BRIP1: variants seen among roughly 807,000 people sequenced by gnomAD.
The protein encoded by BRIP1 is BRCA1 interacting DNA helicase 1, also known as Fanconi anemia group J protein.
BRIP1 carries 88 observed loss-of-function variants against 119.7 expected under a neutral mutation model. The observed-to-expected ratio is 0.74, with a 90% CI of 0.62 to 0.88. BRIP1 has a LOEUF of 0.88. Ranked by LOEUF, BRIP1 falls within the 40% of genes least tolerant of loss-of-function variation. The pLI, the probability that BRIP1 is intolerant of heterozygous loss-of-function variation, is 0.00. For synonymous variants in BRIP1, 443 were observed against 496.5 expected (o/e 0.89, Z 1.43); for missense variants, 1,259 against 1,455.4 (o/e 0.87, Z 2.20).
Position 61,693,589 on chromosome 17 carries a change from A to G in BRIP1, c.2493-77T>C. On this transcript the variant is annotated intron_variant, in intron 17 of 19. Coordinates refer to ENST00000259008, the MANE Select transcript of BRIP1 (RefSeq NM_032043.3). The surrounding 1 kb of genome is among the most constrained non-coding windows in gnomAD (Gnocchi z 4.2). ...AGTTTTCCAGTGGGACAGACAGAAA[A>G]TTGGAAAAAAATCAATTTTATAGAT... 1 of 1,267,510 alleles carries G rather than the reference A, an allele frequency of 7.9e-7. No homozygotes were observed. Among genetic ancestry groups the G allele is most frequent in the South Asian group, 1.2e-5 (1 of 81,984 alleles). 78.5% of individuals were successfully genotyped at this position (1,267,510 alleles called of 1,614,324 possible).
In BRIP1 at chr17:61,715,949, A is replaced by G. The variant is rs1409603424; in HGVS notation, c.2492+2T>C. ...TATTATATTAAATTTCACTCCACTTACCTACCAAGGGCCTGGTTTAAGGCC... is the reference window on the plus strand; with the variant it reads ...TATTATATTAAATTTCACTCCACTTGCCTACCAAGGGCCTGGTTTAAGGCC... On this transcript the variant is annotated splice_donor_variant, in intron 17 of 19. Transcript: ENST00000259008. LOFTEE classifies it high-confidence loss of function. 1 of 1,562,970 alleles carries G rather than the reference A, an allele frequency of 6.4e-7. No individual in the cohort carries two copies. Among genetic ancestry groups the G allele is most frequent in the Middle Eastern group, 1.7e-4 (1 of 5,958 alleles).
Position 61,693,579 on chromosome 17 carries a change from C to T in BRIP1, c.2493-67G>A, listed in dbSNP as rs2144189494. 2.2e-6 allele frequency: 3 copies of T among 1,364,008 alleles called. No homozygotes were observed. Among genetic ancestry groups the T allele is most frequent in the Non-Finnish European group, 3.1e-6 (3 of 958,280 alleles). 84.5% of individuals were successfully genotyped at this position (1,364,008 alleles called of 1,614,324 possible). A position where few individuals can be genotyped will look rare whatever the true frequency, so the allele number is the denominator to read the frequency against. On this transcript the variant is annotated intron_variant, in intron 17 of 19. Transcript: ENST00000259008. This position sits in a 1 kb window ranked among gnomAD's most constrained non-coding sequence, Gnocchi z 4.2. ...AAATAAATCCAGTTTTCCAGTGGGA[C>T]AGACAGAAAATTGGAAAAAAATCAA...
chr17:61,702,972 C>CT lies in BRIP1; in HGVS notation c.2493-9461dup, dbSNP rs61428664. Among the ~76,000 whole-genome samples, 829 of 125,196 alleles carry CT rather than the reference C, an allele frequency of 6.6e-3. 2 individuals carry two copies. The highest frequency in any genetic ancestry group is 0.014 in the African/African-American group (480 of 33,424). The allele number at this position is 125,196 out of a possible 152,430, so 82.1% of individuals were successfully genotyped here. A position where few individuals can be genotyped will look rare whatever the true frequency, so the allele number is the denominator to read the frequency against. ...CTCTGTAACCTTGCGAGCATCTGTT[C>CT]TTTTTTTTTTTTTTTTTTTGACTTT... On this transcript the variant is annotated intron_variant, in intron 17 of 19. Coordinates refer to ENST00000259008, the MANE Select transcript of BRIP1 (RefSeq NM_032043.3).
rs12937080 is a variant in BRIP1 at position 61,852,376 on chromosome 17, A to T, written c.380-3120T>A. On this transcript the variant is annotated intron_variant, in intron 4 of 19. Transcript: ENST00000259008. This position sits in a 1 kb window ranked among gnomAD's most constrained non-coding sequence, Gnocchi z 4.9. The stretch of plus-strand genomic sequence containing the variant: ...TCAAGAAACCTAAGAAATACCCAAT[A>T]GAAAAATGGAGGCTGGGCACGGTGG... Among the ~76,000 whole-genome samples the T allele has an allele frequency of 2.6e-5, 4 of 152,144 alleles. No homozygotes were observed. Among genetic ancestry groups the T allele is most frequent in the Non-Finnish European group, 1.5e-5 (1 of 68,032 alleles).
intron 7 of BRIP1, among the ~76,000 whole-genome samples, chr17:61,801,895 C>T (rs1010725041): frequency 6.6e-6 from 1 of 151,972 alleles, no homozygotes; most frequent in African/African-American, 2.4e-5. Flanking sequence ...TCTCTGTAGA[C>T]CCTTTTGTAC....
In BRIP1 at chr17:61,762,572, T is replaced by C. The variant is rs2077293318; in HGVS notation, c.2097+13829A>G. Among the ~76,000 whole-genome samples, 1 of 152,116 alleles carries C rather than the reference T, an allele frequency of 6.6e-6. No homozygotes were observed. Among genetic ancestry groups the C allele is most frequent in the Non-Finnish European group, 1.5e-5 (1 of 68,000 alleles). On this transcript the variant is annotated intron_variant, in intron 14 of 19. Coordinates refer to ENST00000259008, the MANE Select transcript of BRIP1 (RefSeq NM_032043.3). The surrounding 1 kb of genome is among the most constrained non-coding windows in gnomAD (Gnocchi z 4.3). ...TTTAAAAATGGGCAAGGGATTTGAA[T>C]AGACATTTCTAAAAGAAGACAACAA...
intron 17 of BRIP1, among the ~76,000 whole-genome samples, chr17:61,707,302 C>CT (rs1443374931): frequency 6.7e-6 from 1 of 149,376 alleles, no homozygotes; most frequent in Non-Finnish European, 1.5e-5. Flanking sequence ...AGAGACCTGT[C>CT]TTTTTGTCTT....
At chr17:61,855,350 GGTGA>G (rs1357510018) in intron 4 of BRIP1, among the ~76,000 whole-genome samples, 4 of 152,160 alleles carry the variant, frequency 2.6e-5, no homozygotes, top group African/African-American at 9.7e-5. Context: ...GGCCGAGGCA[GGTGA>G]GTAACTTGAG....
chr17:61,822,183 AAAG>A lies in BRIP1; in HGVS notation c.628-13429_628-13427del, dbSNP rs749013264. The stretch of plus-strand genomic sequence containing the variant: ...AAATGACAAAAAATAAAAGACAATA[AAAG>A]AAGAAGAAAAGCTATTTGACGAATA... On this transcript the variant is annotated intron_variant, in intron 6 of 19. Transcript: ENST00000259008. The surrounding 1 kb of genome is among the most constrained non-coding windows in gnomAD (Gnocchi z 4.4). Among the ~76,000 whole-genome samples, 23 of 152,182 alleles carry A rather than the reference AAAG, an allele frequency of 1.5e-4. No homozygotes were observed. The highest frequency in any genetic ancestry group is 4.3e-4 in the African/African-American group (18 of 41,458).
chr17:61,854,475 G>A (rs954953190), intron 4 of BRIP1, among the ~76,000 whole-genome samples: 1 of 152,112 alleles, frequency 6.6e-6, no homozygotes, highest in Non-Finnish European at 1.5e-5. Flanking sequence ...GTGAGGCACA[G>A]ATGGGTGGAT....
At position 61,844,404 on chromosome 17, in the gene BRIP1, G is replaced by A. The variant is rs745864832; in HGVS notation, c.627+2697C>T. On this transcript the variant is annotated intron_variant, in intron 6 of 19. Coordinates refer to ENST00000259008, the MANE Select transcript of BRIP1 (RefSeq NM_032043.3). This position sits in a 1 kb window ranked among gnomAD's most constrained non-coding sequence, Gnocchi z 4.7. ...GTTTGAGACCAACCTGGGCAACACA[G>A]TGAGACCTCATCTCTACAAAAAATA... Among the ~76,000 whole-genome samples the A allele has an allele frequency of 3.3e-5, 5 of 152,096 alleles. No individual in the cohort carries two copies. The highest frequency in any genetic ancestry group is 7.4e-5 in the Non-Finnish European group (5 of 68,020).
At position 61,700,992 on chromosome 17, in the gene BRIP1, G is replaced by C. The variant is rs1422105110; in HGVS notation, c.2493-7480C>G. Among the ~76,000 whole-genome samples the C allele has an allele frequency of 6.6e-6, 1 of 152,016 alleles. No individual in the cohort carries two copies. Among genetic ancestry groups the C allele is most frequent in the Non-Finnish European group, 1.5e-5 (1 of 67,964 alleles). On this transcript the variant is annotated intron_variant, in intron 17 of 19. Transcript: ENST00000259008. The surrounding 1 kb of genome is among the most constrained non-coding windows in gnomAD (Gnocchi z 4.1). ...CTTTCCAACTCCAGAATTTCCATTA[G>C]GTTTTTGTTAAGCAAATTTTATCTC...
In BRIP1 at chr17:61,860,947, A is replaced by G. The variant is rs1171547142; in HGVS notation, c.93+500T>C. 6.6e-6 allele frequency among the ~76,000 whole-genome samples: 1 copy of G among 152,218 alleles called. No homozygotes were observed. The highest frequency in any genetic ancestry group is 2.4e-5 in the African/African-American group (1 of 41,468). On this transcript the variant is annotated intron_variant, in intron 2 of 19. Transcript: ENST00000259008. This position sits in a 1 kb window ranked among gnomAD's most constrained non-coding sequence, Gnocchi z 4.1. ...TATTCTATATTGTTTATGGATACAT[A>G]TATATGTAATAAAAGTATAAAAACA...
chr17:61,859,740 T>C (rs905448759), intron 3 of BRIP1, 56 bp downstream of exon 3: 1 of 1,078,150 alleles, frequency 9.3e-7, no homozygotes, highest in African/African-American at 1.5e-5. Context: ...AAGAATACTG[T>C]ATTATATTTT....
rs1257932316 is a variant in BRIP1 at position 61,691,956 on chromosome 17, A to G, written c.2575+1474T>C. Among the ~76,000 whole-genome samples the G allele has an allele frequency of 6.6e-6, 1 of 152,236 alleles. No homozygotes were observed. Among genetic ancestry groups the G allele is most frequent in the Non-Finnish European group, 1.5e-5 (1 of 68,040 alleles). On this transcript the variant is annotated intron_variant, in intron 18 of 19. Transcript: ENST00000259008. This position sits in a 1 kb window ranked among gnomAD's most constrained non-coding sequence, Gnocchi z 5.0. The stretch of plus-strand genomic sequence containing the variant: ...AGAGAGCTCAGAAGCAGATCCACAC[A>G]TATATGGTCAGCGGATCTTCAACAG...
At position 61,714,861 on chromosome 17, in the gene BRIP1, G is replaced by A. The variant is rs138174792; in HGVS notation, c.2492+1090C>T. Among the ~76,000 whole-genome samples, 259 of 149,370 alleles carry A rather than the reference G, an allele frequency of 1.7e-3. 1 individual carries two copies. The highest frequency in any genetic ancestry group is 0.014 in the Middle Eastern group (4 of 288). On this transcript the variant is annotated intron_variant, in intron 17 of 19. Transcript: ENST00000259008. ...CTGTTGCCCAGGCTGGAATGCAGTG[G>A]CATGATTTTGGCTCACTGCAACCCC...
In BRIP1 at chr17:61,709,050, G is replaced by A. The variant is rs2061735265; in HGVS notation, c.2492+6901C>T. Among the ~76,000 whole-genome samples the A allele has an allele frequency of 6.6e-6, 1 of 152,224 alleles. No homozygotes were observed. Among genetic ancestry groups the A allele is most frequent in the Non-Finnish European group, 1.5e-5 (1 of 68,048 alleles). ...AACCTTTCCAGAAGTAAACCTGGGT[G>A]AGGGAGGAGGCTAATTGTTTCTTAT... is the stretch of plus-strand genomic sequence containing the variant. On this transcript the variant is annotated intron_variant, in intron 17 of 19. Transcript: ENST00000259008. This position sits in a 1 kb window ranked among gnomAD's most constrained non-coding sequence, Gnocchi z 5.0.
chr17:61,759,005 C>A lies in BRIP1; in HGVS notation c.2098-14414G>T, dbSNP rs867188655. Among the ~76,000 whole-genome samples the A allele has an allele frequency of 1.5e-5, 2 of 136,996 alleles. No homozygotes were observed. Among genetic ancestry groups the A allele is most frequent in the Non-Finnish European group, 3.1e-5 (2 of 64,220 alleles). 89.9% of individuals were successfully genotyped at this position (136,996 alleles called of 152,430 possible). ...CCTGGGTGACAGAGCAAGACCCTGT[C>A]ATAAATAAATAAATAAATAAATAAA... On this transcript the variant is annotated intron_variant, in intron 14 of 19. Transcript: ENST00000259008. This position sits in a 1 kb window ranked among gnomAD's most constrained non-coding sequence, Gnocchi z 4.9.
Position 61,705,286 on chromosome 17 carries a change from G to C in BRIP1, c.2492+10665C>G, listed in dbSNP as rs1369703568. ...GACATGATTTCATTCTTTTTTAATGGCTGTGCAGTATTCCACGGTGTATAT... is the reference window on the plus strand; with the variant it reads ...GACATGATTTCATTCTTTTTTAATGCCTGTGCAGTATTCCACGGTGTATAT... On this transcript the variant is annotated intron_variant, in intron 17 of 19. Coordinates refer to ENST00000259008, the MANE Select transcript of BRIP1 (RefSeq NM_032043.3). This position sits in a 1 kb window ranked among gnomAD's most constrained non-coding sequence, Gnocchi z 5.0. Among the ~76,000 whole-genome samples the C allele has an allele frequency of 6.6e-6, 1 of 152,120 alleles. No homozygotes were observed. The highest frequency in any genetic ancestry group is 2.4e-5 in the African/African-American group (1 of 41,426).
Sources: gnomAD v4.1 joint callset for allele counts (sites outside exome capture counted in the v4.1 genomes callset) on GRCh38, gnomAD v4.1.1 for gene constraint, Gnocchi (gnomAD v3.1) non-coding constraint, MANE v1.5 for transcripts, NCBI Gene and HGNC (gene_info 2026-07-23, HGNC 2026-07-21) for gene names.